ZSCAN25: variants seen among roughly 807,000 people sequenced by gnomAD.
ZSCAN25 encodes zinc finger and SCAN domain containing 25.
In ZSCAN25, 27 loss-of-function variants were observed where a neutral mutation model predicts 38.7. The observed-to-expected ratio is 0.70, with a 90% CI of 0.51 to 0.96. The LOEUF (loss-of-function observed/expected upper bound fraction) is 0.96. Among genes scored for constraint, ZSCAN25 ranks in the 40% least tolerant of loss-of-function variants. The pLI is 0.00. For missense variants in ZSCAN25, 637 were observed against 705.9 expected (o/e 0.90, Z 1.11); for synonymous variants, 273 against 277.7 (o/e 0.98, Z 0.17).
the ZSCAN25 span, among the ~76,000 whole-genome samples, chr7:99,662,051 A>AT: frequency 6.6e-6 from 1 of 152,192 alleles, no homozygotes; most frequent in Non-Finnish European, 1.5e-5. This position sits in a 1 kb window ranked among gnomAD's most constrained non-coding sequence, Gnocchi z 4.3. Flanking sequence ...TAGATGATTA[A>AT]TTGATAAATT....
At chr7:99,666,954 C>T in the ZSCAN25 span, 11 of 1,613,448 alleles carry the variant, frequency 6.8e-6, no homozygotes, top group African/African-American at 1.3e-5. Flanking sequence ...TTTCATACCT[C>T]CTTGAGTTTT....
the ZSCAN25 span, chr7:99,684,978 A>G: frequency 1.4e-5 from 8 of 554,834 alleles, no homozygotes; most frequent in Non-Finnish European, 2.6e-5. Flanking sequence ...CTACACAGAC[A>G]GGGAGAGAGC....
At chr7:99,666,739 C>A in the ZSCAN25 span, 2 of 1,613,380 alleles carry the variant, frequency 1.2e-6, no homozygotes, top group Non-Finnish European at 1.7e-6. Context: ...AGACTCAAGT[C>A]CCAGAAGGAT....
the ZSCAN25 span, among the ~76,000 whole-genome samples, chr7:99,656,089 T>A: frequency 6.6e-6 from 1 of 152,226 alleles, no homozygotes; most frequent in Non-Finnish European, 1.5e-5. Flanking sequence ...CTTGCCTGAT[T>A]GCCCTGGCCA....
At chr7:99,627,279 A>T (rs1807558086) in intron 7 of ZSCAN25, among the ~76,000 whole-genome samples, 1 of 152,250 alleles carries the variant, frequency 6.6e-6, no homozygotes, top group Non-Finnish European at 1.5e-5. Context: ...CGATATATGT[A>T]ACATCTAGTG....
chr7:99,722,780 T>C, the ZSCAN25 span, among the ~76,000 whole-genome samples: 1 of 152,218 alleles, frequency 6.6e-6, no homozygotes, highest in Non-Finnish European at 1.5e-5. Flanking sequence ...TTTTCATTTA[T>C]TTCATGAGCT....
At chr7:99,722,358 G>T in the ZSCAN25 span, 50 of 1,613,086 alleles carry the variant, frequency 3.1e-5, no homozygotes, top group Non-Finnish European at 4.0e-5. Flanking sequence ...CCTGGGAGGA[G>T]AAACAAAATA....
At chr7:99,621,659 G>A in intron 5 of ZSCAN25, 85 bp downstream of exon 5, 1 of 1,123,440 alleles carries the variant, frequency 8.9e-7, no homozygotes, top group Non-Finnish European at 1.1e-6. Context: ...CAGCAATGGA[G>A]CAACTAAGTT....
the ZSCAN25 span, among the ~76,000 whole-genome samples, chr7:99,691,364 G>A: frequency 1.3e-5 from 2 of 152,000 alleles, no homozygotes; most frequent in African/African-American, 2.4e-5. Context: ...TAATGGGTGT[G>A]GCACACCAAC....
At chr7:99,626,159 A>T (rs1326614404) in intron 7 of ZSCAN25, among the ~76,000 whole-genome samples, 1 of 152,230 alleles carries the variant, frequency 6.6e-6, no homozygotes, top group Non-Finnish European at 1.5e-5. Flanking sequence ...GCAAGAACTC[A>T]CAACAGGATT....
intron 1 of ZSCAN25, among the ~76,000 whole-genome samples, chr7:99,617,572 C>T (rs571633164): frequency 1.6e-4 from 25 of 152,120 alleles, no homozygotes; most frequent in African/African-American, 4.6e-4. Flanking sequence ...CATGGGGAGA[C>T]CCTGTCTCTA....
chr7:99,653,034 G>A, the ZSCAN25 span, among the ~76,000 whole-genome samples: 2 of 152,178 alleles, frequency 1.3e-5, no homozygotes, highest in Non-Finnish European at 2.9e-5. The surrounding 1 kb of genome is among the most constrained non-coding windows in gnomAD (Gnocchi z 4.2). Context: ...TCCTTAGCAT[G>A]ACCATGTAGT....
At chr7:99,668,510 A>G in the ZSCAN25 span, among the ~76,000 whole-genome samples, 1 of 152,170 alleles carries the variant, frequency 6.6e-6, no homozygotes, top group Non-Finnish European at 1.5e-5. Flanking sequence ...TTGTAATTTG[A>G]CTATGTGATT....
chr7:99,671,774 T>C, the ZSCAN25 span: 36,182 of 701,884 alleles, frequency 0.052, 1,298 homozygotes, highest in African/African-American at 0.13. Context: ...ATAGAACCTG[T>C]CAGAGAAAAA....
the ZSCAN25 span, among the ~76,000 whole-genome samples, chr7:99,641,597 C>G: frequency 6.6e-6 from 1 of 152,126 alleles, no homozygotes; most frequent in African/African-American, 2.4e-5. Flanking sequence ...GTAGGCATCT[C>G]AAACTTACCA....
At position 99,629,806 on chromosome 7, in the gene ZSCAN25, C is replaced by T. The variant is rs758913783; in HGVS notation, c.1421C>T (p.Ala474Val). The T allele has an allele frequency of 8.1e-6, 13 of 1,614,000 alleles. No individual in the cohort carries two copies. Among genetic ancestry groups the T allele is most frequent in the Middle Eastern group, 1.6e-4 (1 of 6,084 alleles). ...AGCTTCAGCAGGAATGCCAATCTGG[C>T]GGTGCACCGGCGTGCCCACACTGGC... ...GKSFSRNANLAVHRRAHTGEK... is the reference protein window; with the variant it reads ...GKSFSRNANLVVHRRAHTGEK... Residue 474 changes from alanine (A) to valine (V), a missense_variant, in exon 8 of 8, where the codon GCG (alanine) becomes GTG (valine). Transcript: ENST00000394152. This position sits in a 1 kb window ranked among gnomAD's most constrained non-coding sequence, Gnocchi z 5.6.
In ZSCAN25 at chr7:99,629,070, G is replaced by T; in HGVS notation, c.806-121G>T. On this transcript the variant is annotated intron_variant, in intron 7 of 7. Transcript: ENST00000394152. The surrounding 1 kb of genome is among the most constrained non-coding windows in gnomAD (Gnocchi z 5.6). ...AGAAGTAAGGAAAGCCTGAGTTGAG[G>T]TTGTTGGTCAAAGGAAAAAAGAGAA... is the stretch of plus-strand genomic sequence containing the variant. 1 of 1,366,548 alleles carries T rather than the reference G, an allele frequency of 7.3e-7. No homozygotes were observed. The highest frequency in any genetic ancestry group is 9.9e-7 in the Non-Finnish European group (1 of 1,014,410). 84.7% of individuals were successfully genotyped at this position (1,366,548 alleles called of 1,614,324 possible).
At chr7:99,705,764 A>C in the ZSCAN25 span, among the ~76,000 whole-genome samples, 2 of 152,346 alleles carry the variant, frequency 1.3e-5, no homozygotes, top group South Asian at 4.2e-4. Context: ...AGATGTGTGA[A>C]GATTGGATAG....
the ZSCAN25 span, among the ~76,000 whole-genome samples, chr7:99,707,607 G>A: frequency 2.0e-5 from 3 of 152,166 alleles, no homozygotes; most frequent in Admixed American, 1.3e-4. Flanking sequence ...AGTCTACATT[G>A]ACATTGCATG....
Sources: gnomAD v4.1 joint callset for allele counts (sites outside exome capture counted in the v4.1 genomes callset) on GRCh38, gnomAD v4.1.1 for gene constraint, Gnocchi (gnomAD v3.1) non-coding constraint, MANE v1.5 for transcripts, NCBI Gene and HGNC (gene_info 2026-07-23, HGNC 2026-07-21) for gene names.